ZNF521: variants seen among roughly 807,000 people sequenced by gnomAD.
The protein encoded by ZNF521 is zinc finger protein 521, also known as LYST-interacting protein 3.
A neutral mutation model predicts 105.5 loss-of-function variants in ZNF521; 14 were observed. The observed-to-expected ratio is 0.13, with a 90% CI of 0.09 to 0.21. ZNF521 has a LOEUF of 0.21. Among genes scored for constraint, ZNF521 ranks in the 10% least tolerant of loss-of-function variants. The probability of loss-of-function intolerance (pLI) is 1.00; values close to 1 mark genes in which losing one functional copy is unlikely to be tolerated. For missense variants in ZNF521, 1,233 were observed against 1,629.7 expected, an observed-to-expected ratio of 0.76 and a Z score of 4.19; for synonymous variants, 635 against 606.0, an observed-to-expected ratio of 1.05 and a Z score of -0.70.
chr18:25,290,081 A>G (rs996269467), intron 3 of ZNF521, among the ~76,000 whole-genome samples: 1 of 152,214 alleles, frequency 6.6e-6, no homozygotes, highest in Non-Finnish European at 1.5e-5. Flanking sequence ...TAAAATTAAA[A>G]CTGCCTGTCA....
chr18:25,147,599 T>C (rs924573177), intron 5 of ZNF521, among the ~76,000 whole-genome samples: 15 of 152,174 alleles, frequency 9.9e-5, no homozygotes, highest in Admixed American at 2.0e-4. Flanking sequence ...TATTTAATAT[T>C]GATCTTTAAA....
At chr18:25,260,547 G>A (rs1908836285) in intron 3 of ZNF521, among the ~76,000 whole-genome samples, 1 of 151,970 alleles carries the variant, frequency 6.6e-6, no homozygotes, top group African/African-American at 2.4e-5. Flanking sequence ...AAAATTCAAT[G>A]GAAAAATATG....
rs1906128190 is a variant in ZNF521, at chr18:25,226,370, G to C, written c.1548C>G (p.Pro516=). The C allele has an allele frequency of 6.2e-7, 1 of 1,614,110 alleles. No homozygotes were observed. ...CAGTGAGAAACCCCATATAGCAATG[G>C]GGACAAAAGAATGCATTACTATCTT... ...AAKDSNAFFC[P]HCYMGFLTDS... Residue 516 remains proline, a synonymous_variant, in exon 4 of 8, where the codon CCC becomes CCG. Coordinates refer to ENST00000361524, the MANE Select transcript of ZNF521 (RefSeq NM_015461.3). The surrounding 1 kb of genome is among the most constrained non-coding windows in gnomAD (Gnocchi z 4.1).
chr18:25,165,165 T>C (rs1367574435), intron 5 of ZNF521, among the ~76,000 whole-genome samples: 1 of 152,242 alleles, frequency 6.6e-6, no homozygotes, highest in Non-Finnish European at 1.5e-5. Flanking sequence ...GTGTGTTAAA[T>C]GATTCAGTGA....
chr18:25,077,943 A>G (rs776920288), intron 7 of ZNF521, among the ~76,000 whole-genome samples: 3 of 152,168 alleles, frequency 2.0e-5, no homozygotes, highest in Non-Finnish European at 4.4e-5. Context: ...AGAAGAAGAA[A>G]AAAAAAACAT....
In ZNF521 at chr18:25,273,507, G is replaced by A. The variant is rs150419005; in HGVS notation, c.221-45810C>T. On this transcript the variant is annotated intron_variant, in intron 3 of 7. Coordinates refer to ENST00000361524, the MANE Select transcript of ZNF521 (RefSeq NM_015461.3). ...TTAAGGGCATGGAATCTGGAGGCAG[G>A]ATGCCTAAGTTGAAACCCGAGCTTC... is the stretch of plus-strand genomic sequence containing the variant. The A allele has an allele frequency of 3.9e-5, 6 of 152,300 alleles. No homozygotes were observed. The East Asian group carries it at 1.2e-3, about 29-fold the overall frequency. 9.4% of individuals were successfully genotyped at this position (152,300 alleles called of 1,614,324 possible).
intron 3 of ZNF521, among the ~76,000 whole-genome samples, chr18:25,229,465 T>C (rs1906391286): frequency 6.6e-6 from 1 of 152,168 alleles, no homozygotes. Flanking sequence ...CTGATGGATG[T>C]GGATGTGATT....
At chr18:25,310,807 AAATTATAATT>A (rs1323593073) in intron 3 of ZNF521, among the ~76,000 whole-genome samples, 2 of 152,172 alleles carry the variant, frequency 1.3e-5, no homozygotes, top group African/African-American at 4.8e-5. Flanking sequence ...CCATATAATT[AAATTATAATT>A]ATATTGAAAC....
At chr18:25,350,629 T>C (rs1327603748) in intron 2 of ZNF521, among the ~76,000 whole-genome samples, 19 of 150,518 alleles carry the variant, frequency 1.3e-4, no homozygotes, top group Admixed American at 1.1e-3. Context: ...TTTCTTTCTC[T>C]CTCTCTCTCT....
intron 2 of ZNF521, among the ~76,000 whole-genome samples, chr18:25,347,590 A>C (rs1914518974): frequency 6.6e-6 from 1 of 152,202 alleles, no homozygotes; most frequent in African/African-American, 2.4e-5. Context: ...CAGGAGATGG[A>C]TTCTTAGGAC....
intron 5 of ZNF521, among the ~76,000 whole-genome samples, chr18:25,125,640 T>C (rs72887750): frequency 0.18 from 27,114 of 151,932 alleles, 2,536 homozygotes; most frequent in Middle Eastern, 0.26. Context: ...GGTGTGTGTG[T>C]GTGCGTGTGT....
chr18:25,267,720 A>T (rs1008503357), intron 3 of ZNF521, among the ~76,000 whole-genome samples: 1 of 152,160 alleles, frequency 6.6e-6, no homozygotes, highest in East Asian at 1.9e-4. Flanking sequence ...ACAAACAGAA[A>T]AGAAACAGCA....
At chr18:25,262,392 C>T (rs1908970787) in intron 3 of ZNF521, among the ~76,000 whole-genome samples, 2 of 152,060 alleles carry the variant, frequency 1.3e-5, no homozygotes, top group Non-Finnish European at 2.9e-5. Flanking sequence ...GATTTTTTTC[C>T]GTCTTGTTAC....
intron 7 of ZNF521, among the ~76,000 whole-genome samples, chr18:25,064,199 C>G (rs2032988992): frequency 6.6e-6 from 1 of 152,212 alleles, no homozygotes; most frequent in South Asian, 2.1e-4. Context: ...AAAGTGCTCA[C>G]AGTCTAAAGA....
intron 3 of ZNF521, among the ~76,000 whole-genome samples, chr18:25,230,320 A>G (rs1906452634): frequency 1.3e-5 from 2 of 152,196 alleles, no homozygotes; most frequent in African/African-American, 4.8e-5. Context: ...TAAAATGTAA[A>G]AACTCTCATT....
rs1906050450 is a variant in ZNF521, at chr18:25,225,401, T to G, written c.2517A>C (p.Thr839=). ...AAGCTCCATTTGTTCCACAGTTGGGTGTCTTGGTTTCGAATACACAGTGTT... is the reference window on the plus strand; with the variant it reads ...AAGCTCCATTTGTTCCACAGTTGGGGGTCTTGGTTTCGAATACACAGTGTT... ...REKHCVFETK[T]PNCGTNGASE... Residue 839 remains threonine, a synonymous_variant, in exon 4 of 8, where the codon ACA becomes ACC. Transcript: ENST00000361524. This position sits in a 1 kb window ranked among gnomAD's most constrained non-coding sequence, Gnocchi z 5.6. 3.7e-6 allele frequency: 6 copies of G among 1,614,202 alleles called. No individual in the cohort carries two copies. The highest frequency in any genetic ancestry group is 5.1e-6 in the Non-Finnish European group (6 of 1,180,030).
intron 3 of ZNF521, among the ~76,000 whole-genome samples, chr18:25,281,130 C>G (rs1390200691): frequency 1.3e-5 from 2 of 152,146 alleles, no homozygotes; most frequent in South Asian, 2.1e-4. Flanking sequence ...GTTCCACAAC[C>G]ATTTAATTTC....
intron 3 of ZNF521, among the ~76,000 whole-genome samples, chr18:25,297,263 A>G (rs1428673632): frequency 6.6e-6 from 1 of 152,100 alleles, no homozygotes; most frequent in Non-Finnish European, 1.5e-5. Flanking sequence ...TGAGAATGCT[A>G]AACAGAATAA....
At chr18:25,179,116 C>CAT (rs2035583758) in intron 5 of ZNF521, among the ~76,000 whole-genome samples, 4 of 52,440 alleles carry the variant, frequency 7.6e-5, no homozygotes, top group Non-Finnish European at 1.0e-4. Flanking sequence ...TTCTTTATTC[C>CAT]TTTTTTTTTT....
Sources: gnomAD v4.1 joint callset for allele counts (sites outside exome capture counted in the v4.1 genomes callset) on GRCh38, gnomAD v4.1.1 for gene constraint, Gnocchi (gnomAD v3.1) non-coding constraint, MANE v1.5 for transcripts, NCBI Gene and HGNC (gene_info 2026-07-23, HGNC 2026-07-21) for gene names.